PARD3: variants seen among roughly 807,000 people sequenced by gnomAD.
The protein encoded by PARD3 is partitioning defective 3 homolog.
In PARD3, 75 loss-of-function variants were observed where a neutral mutation model predicts 155.4. The ratio of observed to expected loss-of-function variants is 0.48; its 90% CI spans 0.40 to 0.58. The LOEUF (loss-of-function observed/expected upper bound fraction) is 0.58, where lower values mean the gene tolerates loss of function less well. PARD3 is among the 20% of genes least tolerant of loss of function. The pLI is 0.00. For synonymous variants in PARD3, 576 were observed against 610.5 expected, an observed-to-expected ratio of 0.94 and a Z score of 0.83; for missense variants, 1,642 against 1,721.7, an observed-to-expected ratio of 0.95 and a Z score of 0.82.
At chr10:34,337,475 G>T (rs373699922) in intron 16 of PARD3, 49 bp from the exon 17 acceptor site, 27 of 1,319,872 alleles carry the variant, frequency 2.0e-5, no homozygotes, top group Non-Finnish European at 2.6e-5. Context: ...AAAATAGCAC[G>T]CATCCATTTT....
intron 2 of PARD3, among the ~76,000 whole-genome samples, chr10:34,542,202 G>GGTGTGT (rs1186576618): frequency 4.6e-5 from 3 of 65,702 alleles, no homozygotes; most frequent in East Asian, 4.7e-4. Flanking sequence ...GGTTGTTTGG[G>GGTGTGT]GTGTGTGTGT....
At chr10:34,713,232 A>G (rs2094472765) in intron 1 of PARD3, among the ~76,000 whole-genome samples, 1 of 152,010 alleles carries the variant, frequency 6.6e-6, no homozygotes, top group Non-Finnish European at 1.5e-5. Context: ...TAATTAATTA[A>G]TTAAAAGTGG....
At chr10:34,227,350 TC>T (rs1208910218) in intron 22 of PARD3, among the ~76,000 whole-genome samples, 37 of 152,182 alleles carry the variant, frequency 2.4e-4, no homozygotes, top group Non-Finnish European at 5.0e-4. Context: ...TATTAAAAAG[TC>T]AAGGCTGGGC....
At chr10:34,774,640 A>T (rs539221236) in intron 1 of PARD3, among the ~76,000 whole-genome samples, 1 of 152,264 alleles carries the variant, frequency 6.6e-6, no homozygotes, top group Non-Finnish European at 1.5e-5. Context: ...GAACTAATTT[A>T]TAATTTAAAA....
chr10:34,254,644 A>G (rs539469301), intron 22 of PARD3, among the ~76,000 whole-genome samples: 11 of 151,820 alleles, frequency 7.2e-5, no homozygotes, highest in African/African-American at 2.2e-4. Context: ...ACCCCTTAGA[A>G]GCCCATCCTT....
At chr10:34,517,954 C>T (rs950431870) in intron 2 of PARD3, among the ~76,000 whole-genome samples, 2 of 152,214 alleles carry the variant, frequency 1.3e-5, no homozygotes, top group Non-Finnish European at 2.9e-5. Context: ...TTTCGGCTCA[C>T]TGCAACCTCC....
chr10:34,308,542 G>A (rs1386051439), intron 20 of PARD3, among the ~76,000 whole-genome samples: 1 of 152,176 alleles, frequency 6.6e-6, no homozygotes, highest in East Asian at 1.9e-4. Context: ...CTAACCAACT[G>A]AGAAGACAGA....
At chr10:34,411,919 C>CGTGTGTGTGTGT (rs61517279) in intron 5 of PARD3, among the ~76,000 whole-genome samples, 7 of 141,180 alleles carry the variant, frequency 5.0e-5, no homozygotes, top group Admixed American at 1.4e-4. Context: ...ATAAGCTAGT[C>CGTGTGTGTGTGT]GTGTGTGTGT....
intron 22 of PARD3, among the ~76,000 whole-genome samples, chr10:34,241,841 A>G (rs577828039): frequency 6.6e-5 from 10 of 152,342 alleles, no homozygotes; most frequent in African/African-American, 2.4e-4. Flanking sequence ...AGGCGTCATC[A>G]GTACTTCAAC....
At chr10:34,651,910 G>A (rs536820122) in intron 2 of PARD3, among the ~76,000 whole-genome samples, 1 of 152,294 alleles carries the variant, frequency 6.6e-6, no homozygotes, top group South Asian at 2.1e-4. Context: ...TCAGAGTGCA[G>A]TCACTTCATT....
At chr10:34,431,047 A>G (rs760279448) in intron 5 of PARD3, among the ~76,000 whole-genome samples, 4 of 152,156 alleles carry the variant, frequency 2.6e-5, no homozygotes, top group Non-Finnish European at 5.9e-5. Context: ...TCTTTTTTGG[A>G]TATCAGTTTT....
rs566183402 is a variant in PARD3, at chr10:34,265,251, G to C, written c.3419+4406C>G. ...TCAAACAGACATGGGACTATTTCTA[G>C]ACATGGCATGATGCTATCTTATAAA... On this transcript the variant is annotated intron_variant, in intron 22 of 24. Transcript: ENST00000374788. 2.6e-5 allele frequency among the ~76,000 whole-genome samples: 4 copies of C among 152,268 alleles called. No individual in the cohort carries two copies. In the South Asian group the frequency reaches 8.3e-4, roughly 32 times the overall value.
intron 19 of PARD3, among the ~76,000 whole-genome samples, chr10:34,324,691 G>A (rs1958578191): frequency 6.6e-6 from 1 of 152,164 alleles, no homozygotes; most frequent in Admixed American, 6.5e-5. Context: ...GATTAAGAAA[G>A]CTTGGTAATG....
chr10:34,798,426 C>T (rs367618639), intron 1 of PARD3, among the ~76,000 whole-genome samples: 3 of 151,526 alleles, frequency 2.0e-5, no homozygotes, highest in Non-Finnish European at 2.9e-5. Context: ...AAAAACATGC[C>T]GGGCGCAGTG....
chr10:34,355,340 A>G (rs2134447317), intron 14 of PARD3, among the ~76,000 whole-genome samples: 1 of 152,262 alleles, frequency 6.6e-6, no homozygotes, highest in African/African-American at 2.4e-5. Context: ...TGTCTCCAAA[A>G]AAGAAAAGAG....
At chr10:34,168,070 T>C (rs1949619407) in intron 22 of PARD3, among the ~76,000 whole-genome samples, 1 of 152,142 alleles carries the variant, frequency 6.6e-6, no homozygotes, top group Non-Finnish European at 1.5e-5. Flanking sequence ...TTTTCTTCTT[T>C]TTTTCCTTAA....
chr10:34,804,656 T>C (rs7095518), intron 1 of PARD3, among the ~76,000 whole-genome samples: 53,720 of 152,116 alleles, frequency 0.35, 10,636 homozygotes, highest in African/African-American at 0.55. Context: ...AGAAAATACG[T>C]TTCCTGGAAG....
chr10:34,787,350 G>C (rs1209173795), intron 1 of PARD3, among the ~76,000 whole-genome samples: 1 of 152,206 alleles, frequency 6.6e-6, no homozygotes, highest in African/African-American at 2.4e-5. Flanking sequence ...CTGCACTCCA[G>C]CCTGGGCAAC....
chr10:34,439,071 A>G (rs1589577884), intron 5 of PARD3, among the ~76,000 whole-genome samples: 1 of 152,314 alleles, frequency 6.6e-6, no homozygotes. Flanking sequence ...CTCCGTAGAC[A>G]GGAGATTAAT....
Sources: gnomAD v4.1 joint callset for allele counts (sites outside exome capture counted in the v4.1 genomes callset) on GRCh38, gnomAD v4.1.1 for gene constraint, MANE v1.5 for transcripts, NCBI Gene and HGNC (gene_info 2026-07-23, HGNC 2026-07-21) for gene names.